The following MYOF variants were observed in gnomAD, a reference collection of about 807,000 sequenced individuals.
The protein encoded by MYOF is myoferlin.
In MYOF, 244 loss-of-function variants were observed where a neutral mutation model predicts 284.2. The observed-to-expected ratio is 0.86, with a 90% CI of 0.77 to 0.95. The LOEUF (loss-of-function observed/expected upper bound fraction) is 0.95, where lower values mean the gene tolerates loss of function less well. Among genes scored for constraint, MYOF ranks in the 40% least tolerant of loss-of-function variants. MYOF has a pLI of 0.00. For missense variants in MYOF, 2,496 were observed against 2,560.6 expected (o/e 0.97, Z 0.54); for synonymous variants, 904 against 919.7 (o/e 0.98, Z 0.31).
intron 11 of MYOF, 120 bp from the exon 12 acceptor site, chr10:93,401,664 G>A (rs1847298936): frequency 7.5e-7 from 1 of 1,336,782 alleles, no homozygotes; most frequent in Non-Finnish European, 1.0e-6. Flanking sequence ...CCTGTGTTTG[G>A]GGCTTAAGAG....
intron 10 of MYOF, 127 bp downstream of exon 10, chr10:93,402,733 T>G (rs1847358346): frequency 1.2e-6 from 1 of 810,324 alleles, no homozygotes; most frequent in South Asian, 2.1e-5. Flanking sequence ...TAAGAAAATA[T>G]TTTTTAAAAA....
chr10:93,374,736 G>T, intron 23 of MYOF, 27 bp downstream of exon 23: 1 of 1,597,588 alleles, frequency 6.3e-7, no homozygotes, highest in Non-Finnish European at 8.5e-7. Context: ...CATATCAGGT[G>T]ACGTTTGTGT....
chr10:93,472,283 T>C (rs982535156), intron 1 of MYOF, among the ~76,000 whole-genome samples: 1 of 152,180 alleles, frequency 6.6e-6, no homozygotes, highest in African/African-American at 2.4e-5. Flanking sequence ...TTGTCAAGGC[T>C]GTGGAGAAAT....
At chr10:93,343,187 G>C (rs1326474365) in intron 38 of MYOF, among the ~76,000 whole-genome samples, 2 of 152,148 alleles carry the variant, frequency 1.3e-5, no homozygotes, top group African/African-American at 4.8e-5. Context: ...GATATTTGGT[G>C]TTTCCTTTTT....
At chr10:93,323,720 T>G in intron 46 of MYOF, 6 of 218,740 alleles carry the variant, frequency 2.7e-5, no homozygotes, top group Non-Finnish European at 5.4e-5. Flanking sequence ...CACACGCGCG[T>G]GCGCGCACAT....
chr10:93,437,123 T>C (rs1589567839), intron 3 of MYOF, among the ~76,000 whole-genome samples: 1 of 152,222 alleles, frequency 6.6e-6, no homozygotes, highest in East Asian at 1.9e-4. Context: ...TGGAGTCGAG[T>C]CTCTATGTGA....
chr10:93,475,350 A>G lies in MYOF; in HGVS notation c.88+6757T>C, dbSNP rs1036020138. On this transcript the variant is annotated intron_variant, in intron 1 of 53. Transcript: ENST00000359263. ...ACTACGTTTCATGTATGAAGGTTCAACATAAAACTGGCAGCTTCATATTTT... is the reference window on the plus strand; with the variant it reads ...ACTACGTTTCATGTATGAAGGTTCAGCATAAAACTGGCAGCTTCATATTTT... Among the ~76,000 whole-genome samples the G allele has an allele frequency of 7.2e-5, 11 of 152,332 alleles. No individual in the cohort carries two copies. In the South Asian group the frequency reaches 1.4e-3, roughly 20 times the overall value.
At position 93,404,023 on chromosome 10, in the gene MYOF, C is replaced by T. The variant is rs752635845; in HGVS notation, c.843G>A (p.Lys281=). Residue 281 remains lysine (K), a splice_region_variant and synonymous_variant, in exon 9 of 54, where the codon AAG becomes AAA. Transcript: ENST00000359263. ...LRADCLMGEF[K]IDVGFVYDEP... The stretch of plus-strand genomic sequence containing the variant: ...AATGAAGCAGACTGTTGTCACTCAC[C>T]TTAAATTCCCCCATCAGACAATCTG... 37 of 1,613,770 alleles carry T rather than the reference C, an allele frequency of 2.3e-5. No homozygotes were observed. Among genetic ancestry groups the T allele is most frequent in the Middle Eastern group, 3.3e-4 (2 of 6,082 alleles).
Position 93,402,285 on chromosome 10 carries a change from T to C in MYOF, c.937A>G (p.Lys313Glu). 4 of 1,614,148 alleles carry C rather than the reference T, an allele frequency of 2.5e-6. No individual in the cohort carries two copies. The highest frequency in any genetic ancestry group is 3.4e-6 in the Non-Finnish European group (4 of 1,180,004). ...NDPEDTSSGSKGYMKVSMFVL... is the reference protein window; with the variant it reads ...NDPEDTSSGSEGYMKVSMFVL... ...AACATGCTGACTTTCATATAACCTT[T>C]AGAACCTGAACTGGTATCTTCCGGG... Residue 313 changes from lysine to glutamate, a missense_variant, in exon 11 of 54, where the codon AAA becomes GAA. This residue lies in a region of MYOF where 2,436 missense variants were observed against 2,480.7 expected (regional missense o/e 0.98). Transcript: ENST00000359263.
At chr10:93,387,771 T>G (rs750124792) in intron 19 of MYOF, 26 bp downstream of exon 19, 1 of 1,587,600 alleles carries the variant, frequency 6.3e-7, no homozygotes, top group Admixed American at 1.7e-5. Flanking sequence ...TTCTATACCA[T>G]GCATTACTCA....
At chr10:93,398,846 T>C (rs77170983) in intron 13 of MYOF, among the ~76,000 whole-genome samples, 4,488 of 152,312 alleles carry the variant, frequency 0.029, 93 homozygotes, top group Middle Eastern at 0.051. Flanking sequence ...CACCCAACTC[T>C]CAACTCTCCA....
intron 5 of MYOF, among the ~76,000 whole-genome samples, chr10:93,421,881 G>C (rs1468320639): frequency 2.6e-5 from 4 of 151,668 alleles, no homozygotes; most frequent in African/African-American, 9.7e-5. Context: ...CTATGTTAGG[G>C]AAAAGAAATG....
At chr10:93,462,318 C>T (rs189903905) in intron 1 of MYOF, among the ~76,000 whole-genome samples, 2 of 152,302 alleles carry the variant, frequency 1.3e-5, no homozygotes, top group African/African-American at 4.8e-5. Flanking sequence ...GATCCGCTCA[C>T]CTCGGCCTCC....
At chr10:93,329,110 G>A (rs1360336248) in intron 44 of MYOF, among the ~76,000 whole-genome samples, 199 bp from the exon 45 acceptor site, 1 of 152,058 alleles carries the variant, frequency 6.6e-6, no homozygotes, top group Non-Finnish European at 1.5e-5. Flanking sequence ...AGAAACAAAT[G>A]TATTTATTTA....
chr10:93,439,383 G>GTGCC (rs10609992), intron 3 of MYOF, among the ~76,000 whole-genome samples: 11 of 152,130 alleles, frequency 7.2e-5, no homozygotes, highest in Admixed American at 2.0e-4. Context: ...GACCAATTCT[G>GTGCC]TGCCTGCCTG....
At chr10:93,392,884 A>G in intron 17 of MYOF, 33 bp downstream of exon 17, 1 of 1,584,424 alleles carries the variant, frequency 6.3e-7, no homozygotes, top group African/African-American at 1.3e-5. Flanking sequence ...AGCTAGGAAG[A>G]TATAACAGAG....
chr10:93,367,871 CA>C (rs1845398263), intron 25 of MYOF, among the ~76,000 whole-genome samples: 1 of 151,904 alleles, frequency 6.6e-6, no homozygotes, highest in Non-Finnish European at 1.5e-5. Context: ...CACATGAAGG[CA>C]AGAGCCAGTA....
intron 5 of MYOF, among the ~76,000 whole-genome samples, chr10:93,413,233 C>G (rs1343267209): frequency 6.6e-6 from 1 of 152,170 alleles, no homozygotes; most frequent in Admixed American, 6.5e-5. Flanking sequence ...AGAACGTCTT[C>G]TGCTATTCAG....
chr10:93,429,845 C>T (rs886269387), intron 4 of MYOF, among the ~76,000 whole-genome samples: 9 of 151,776 alleles, frequency 5.9e-5, no homozygotes, highest in East Asian at 1.9e-4. Context: ...CTGGGACTTG[C>T]GACACTTGAG....
Sources: gnomAD v4.1 joint callset for allele counts (sites outside exome capture counted in the v4.1 genomes callset) on GRCh38, gnomAD v4.1.1 for gene constraint, gnomAD v4.1.1 regional missense constraint, MANE v1.5 for transcripts, NCBI Gene and HGNC (gene_info 2026-07-23, HGNC 2026-07-21) for gene names.